Variants in ADAM12 observed in about 807,000 individuals in gnomAD.
ADAM12 encodes disintegrin and metalloproteinase domain-containing protein 12.
In ADAM12, 70 loss-of-function variants were observed where a neutral mutation model predicts 106.4. That is an observed-to-expected ratio of 0.66 (90% CI 0.54 to 0.80). The LOEUF is 0.80. Among genes scored for constraint, ADAM12 ranks in the 30% least tolerant of loss-of-function variants. The probability of loss-of-function intolerance (pLI) is 0.00; values close to 1 mark genes in which losing one functional copy is unlikely to be tolerated. For synonymous variants in ADAM12, 420 were observed against 433.5 expected (o/e 0.97, Z 0.39); for missense variants, 1,010 against 1,171.9 (o/e 0.86, Z 2.02).
At chr10:126,276,033 T>A (rs955265723) in intron 3 of ADAM12, among the ~76,000 whole-genome samples, 1 of 152,222 alleles carries the variant, frequency 6.6e-6, no homozygotes, top group Non-Finnish European at 1.5e-5. Context: ...TTACATTGAT[T>A]ATACCATGAA....
chr10:126,055,512 G>C, intron 14 of ADAM12, among the ~76,000 whole-genome samples: 1 of 152,188 alleles, frequency 6.6e-6, no homozygotes, highest in East Asian at 1.9e-4. Flanking sequence ...CACCCTGTAA[G>C]GTCTACATTC....
At chr10:126,044,941 C>G (rs111518261) in intron 17 of ADAM12, among the ~76,000 whole-genome samples, 1 of 152,124 alleles carries the variant, frequency 6.6e-6, no homozygotes, top group Non-Finnish European at 1.5e-5. Context: ...GTTTTAAAAC[C>G]CACAGGAAGG....
intron 2 of ADAM12, among the ~76,000 whole-genome samples, chr10:126,327,455 G>GT (rs1350325433): frequency 2.0e-5 from 3 of 151,986 alleles, no homozygotes; most frequent in Non-Finnish European, 2.9e-5. Context: ...CAGATAAAAT[G>GT]TTTAAGAGTT....
chr10:126,304,753 TA>T (rs1960770851), intron 2 of ADAM12, among the ~76,000 whole-genome samples: 1 of 151,714 alleles, frequency 6.6e-6, no homozygotes. Flanking sequence ...TTAATCACCT[TA>T]ACGCACGTAA....
intron 1 of ADAM12, among the ~76,000 whole-genome samples, chr10:126,363,299 G>A (rs1185722449): frequency 6.6e-6 from 1 of 152,004 alleles, no homozygotes; most frequent in African/African-American, 2.4e-5. Flanking sequence ...AAAGATATTG[G>A]GGCCAGATAA....
At chr10:126,081,976 G>A (rs961723113) in intron 11 of ADAM12, among the ~76,000 whole-genome samples, 1 of 152,212 alleles carries the variant, frequency 6.6e-6, no homozygotes, top group African/African-American at 2.4e-5. Context: ...TTCAGGAGGC[G>A]AAGGGATGAG....
At chr10:126,164,991 C>T (rs1462769197) in intron 3 of ADAM12, among the ~76,000 whole-genome samples, 1 of 152,182 alleles carries the variant, frequency 6.6e-6, no homozygotes, top group Non-Finnish European at 1.5e-5. Flanking sequence ...AATATTTATG[C>T]TTCTTTTTTA....
At chr10:126,352,546 G>T (rs1855398263) in intron 1 of ADAM12, among the ~76,000 whole-genome samples, 1 of 152,170 alleles carries the variant, frequency 6.6e-6, no homozygotes, top group Non-Finnish European at 1.5e-5. Context: ...TAGGAAACTT[G>T]GTACTATATG....
chr10:126,071,042 T>C (rs1371350016), intron 12 of ADAM12, among the ~76,000 whole-genome samples: 1 of 152,166 alleles, frequency 6.6e-6, no homozygotes, highest in Non-Finnish European at 1.5e-5. Context: ...CAAGGCAGAA[T>C]TTCAACTGCA....
At chr10:126,200,708 C>A (rs1957682665) in intron 3 of ADAM12, among the ~76,000 whole-genome samples, 1 of 152,200 alleles carries the variant, frequency 6.6e-6, no homozygotes, top group Non-Finnish European at 1.5e-5. Flanking sequence ...AGCAACAAAG[C>A]ACCAGATGAG....
At chr10:126,023,597 C>T (rs1256321873) in intron 21 of ADAM12, among the ~76,000 whole-genome samples, 1 of 152,158 alleles carries the variant, frequency 6.6e-6, no homozygotes, top group African/African-American at 2.4e-5. Context: ...GCTCTACAGA[C>T]AAGACCTCAG....
rs570849235 is a variant in ADAM12 at position 126,371,962 on chromosome 10, T to A, written c.88+16096A>T. 1.2e-4 allele frequency among the ~76,000 whole-genome samples: 19 copies of A among 152,328 alleles called. No homozygotes were observed. The South Asian group carries it at 3.7e-3, about 30-fold the overall frequency. The stretch of plus-strand genomic sequence containing the variant: ...GAGAAGAAGGAAACTGGTGACCATT[T>A]TGTGTGCTATAAGTAAATGATATTT... On this transcript the variant is annotated intron_variant, in intron 1 of 22. Coordinates refer to ENST00000448723, the MANE Select transcript of ADAM12 (RefSeq NM_001288973.2).
In ADAM12 at chr10:126,311,145, G is replaced by A. The variant is rs920774244; in HGVS notation, c.186+19267C>T. ...CACACACACACACACACACCTGCAC[G>A]CACACAAGCTGCATGAGATATACTC... On this transcript the variant is annotated intron_variant, in intron 2 of 22. Transcript: ENST00000448723. Among the ~76,000 whole-genome samples, 126 of 118,150 alleles carry A rather than the reference G, an allele frequency of 1.1e-3. 2 individuals carry two copies. The East Asian group carries it at 0.024, about 22-fold the overall frequency. The allele number at this position is 118,150 out of a possible 152,430, so 77.5% of individuals were successfully genotyped here. A position where few individuals can be genotyped will look rare whatever the true frequency, so the allele number is the denominator to read the frequency against.
intron 6 of ADAM12, among the ~76,000 whole-genome samples, chr10:126,115,352 A>G (rs1022187281): frequency 6.6e-6 from 1 of 152,170 alleles, no homozygotes; most frequent in Non-Finnish European, 1.5e-5. Flanking sequence ...GCATTCTTGA[A>G]TGAGTAGCCG....
At chr10:126,089,059 A>C (rs541288751) in intron 11 of ADAM12, among the ~76,000 whole-genome samples, 2 of 151,702 alleles carry the variant, frequency 1.3e-5, no homozygotes, top group South Asian at 4.2e-4. Context: ...GCCCGCCCCA[A>C]CTCCCAGTTG....
chr10:126,286,235 C>T (rs1959853133), intron 2 of ADAM12, among the ~76,000 whole-genome samples: 1 of 152,040 alleles, frequency 6.6e-6, no homozygotes, highest in African/African-American at 2.4e-5. Context: ...GAAACATCTG[C>T]CCTGATTCTG....
Position 126,037,226 on chromosome 10 carries a change from T to C in ADAM12, c.2350-901A>G, listed in dbSNP as rs1310479276. On this transcript the variant is annotated intron_variant, in intron 20 of 22. Transcript: ENST00000448723. ...GCAAATATACCATTGTTTATCCTTT[T>C]ACTGGTTGATGGATATTTGGATTGT... is the stretch of plus-strand genomic sequence containing the variant. Among the ~76,000 whole-genome samples, 3 of 152,084 alleles carry C rather than the reference T, an allele frequency of 2.0e-5. No homozygotes were observed. In the East Asian group the frequency reaches 5.8e-4, roughly 29 times the overall value.
chr10:126,113,148 A>G (rs1955901316), intron 6 of ADAM12, among the ~76,000 whole-genome samples: 1 of 152,194 alleles, frequency 6.6e-6, no homozygotes, highest in South Asian at 2.1e-4. Context: ...GATTGTGGGA[A>G]CAGTGTTTCA....
At chr10:126,364,218 A>C (rs1201961503) in intron 1 of ADAM12, among the ~76,000 whole-genome samples, 2 of 152,176 alleles carry the variant, frequency 1.3e-5, no homozygotes, top group Non-Finnish European at 2.9e-5. Flanking sequence ...ATCAACAGTC[A>C]ATATTAAAAT....
Sources: allele counts gnomAD v4.1 joint callset (sites outside exome capture counted in the v4.1 genomes callset), GRCh38; gene constraint gnomAD v4.1.1; transcripts MANE v1.5; gene names NCBI Gene and HGNC (gene_info 2026-07-23, HGNC 2026-07-21).